DGKH: variants seen among roughly 807,000 people sequenced by gnomAD.
The protein encoded by DGKH is DAG kinase eta.
A neutral mutation model predicts 159.3 loss-of-function variants in DGKH; 90 were observed. That is an observed-to-expected ratio of 0.57 (90% CI 0.48 to 0.67). The LOEUF (loss-of-function observed/expected upper bound fraction) is 0.67. DGKH is among the 30% of genes least tolerant of loss of function. The pLI is 0.00. For synonymous variants in DGKH, 536 were observed against 553.8 expected (o/e 0.97, Z 0.45); for missense variants, 1,181 against 1,506.1 (o/e 0.78, Z 3.57).
chr13:42,062,301 T>C (rs1882238343), intron 1 of DGKH, among the ~76,000 whole-genome samples: 1 of 152,214 alleles, frequency 6.6e-6, no homozygotes, highest in African/African-American at 2.4e-5. Flanking sequence ...TATACCATTA[T>C]TTCCACACAT....
At chr13:42,070,658 C>T (rs1882901532) in intron 1 of DGKH, 8 of 1,612,406 alleles carry the variant, frequency 5.0e-6, no homozygotes, top group Non-Finnish European at 5.9e-6. Context: ...AGTACATTTG[C>T]AGAGTGAATA....
intron 11 of DGKH, among the ~76,000 whole-genome samples, chr13:42,169,497 A>C (rs1956394715): frequency 6.6e-6 from 1 of 152,182 alleles, no homozygotes; most frequent in African/African-American, 2.4e-5. Context: ...TTTGGGTATA[A>C]GGAACAACAG....
intron 12 of DGKH, among the ~76,000 whole-genome samples, chr13:42,177,337 G>A (rs1053419713): frequency 2.0e-5 from 3 of 152,230 alleles, no homozygotes; most frequent in East Asian, 1.9e-4. Flanking sequence ...TTATCAGATT[G>A]ATCTATACTG....
downstream of DGKH, among the ~76,000 whole-genome samples, chr13:42,244,294 A>G (rs1482561860): frequency 6.6e-6 from 1 of 152,110 alleles, no homozygotes. Flanking sequence ...GCCCCACAGA[A>G]CTGGGATTCA....
rs1177935287 is a variant in DGKH, at chr13:42,215,684, C to T, written c.3213+17C>T. 2 of 1,589,520 alleles carry T rather than the reference C, an allele frequency of 1.3e-6. No individual in the cohort carries two copies. Among genetic ancestry groups the T allele is most frequent in the Non-Finnish European group, 1.7e-6 (2 of 1,161,522 alleles). On this transcript the variant is annotated intron_variant, in intron 26 of 29. Transcript: ENST00000337343. The stretch of plus-strand genomic sequence containing the variant: ...GTTCCTTTGGTAAGGAAAAGAATGA[C>T]TGGTAACATAAGAATGATGAATTAA...
intron 1 of DGKH, among the ~76,000 whole-genome samples, chr13:42,109,904 A>G (rs1349236250): frequency 6.6e-6 from 1 of 152,182 alleles, no homozygotes; most frequent in African/African-American, 2.4e-5. Flanking sequence ...CATCAAAATC[A>G]TCATTGGAGT....
At chr13:42,186,220 C>T (rs910790644) in intron 13 of DGKH, among the ~76,000 whole-genome samples, 3 of 152,072 alleles carry the variant, frequency 2.0e-5, no homozygotes, top group Non-Finnish European at 4.4e-5. Context: ...GAAAGCAATA[C>T]TATGATTTAA....
chr13:42,219,015 T>C (rs1293744015), intron 26 of DGKH, among the ~76,000 whole-genome samples: 1 of 152,232 alleles, frequency 6.6e-6, no homozygotes, highest in Admixed American at 6.5e-5. Flanking sequence ...ACTCATATGA[T>C]CTTTGGGAAG....
At chr13:42,198,264 A>G (rs1225906430) in intron 17 of DGKH, among the ~76,000 whole-genome samples, 1 of 152,204 alleles carries the variant, frequency 6.6e-6, no homozygotes, top group Admixed American at 6.5e-5. Context: ...TTAATTCTTT[A>G]TGATAACATA....
intron 3 of DGKH, among the ~76,000 whole-genome samples, chr13:42,143,477 C>G (rs1315238595): frequency 6.6e-6 from 1 of 152,088 alleles, no homozygotes; most frequent in Non-Finnish European, 1.5e-5. Context: ...AGGAATAGTA[C>G]CAGCTCCTCC....
At chr13:42,223,442 ATTAAT>A (rs1958037295) in intron 29 of DGKH, among the ~76,000 whole-genome samples, 1 of 152,084 alleles carries the variant, frequency 6.6e-6, no homozygotes, top group African/African-American at 2.4e-5. Context: ...CTTTTTAAAA[ATTAAT>A]TTATTTTTAT....
At chr13:42,199,472 G>A (rs944513161) in intron 18 of DGKH, 94 bp from the exon 19 acceptor site, 50 of 833,150 alleles carry the variant, frequency 6.0e-5, no homozygotes, top group Non-Finnish European at 8.2e-5. Flanking sequence ...TAAAATGAAA[G>A]CTTAAATGGT....
chr13:42,214,468 A>C (rs1191981050), intron 24 of DGKH, 39 bp from the exon 25 acceptor site: 1 of 1,591,676 alleles, frequency 6.3e-7, no homozygotes, highest in Admixed American at 1.8e-5. Context: ...GCAATACTCA[A>C]AAAAGTTTTT....
intron 1 of DGKH, chr13:42,069,871 C>A: frequency 1.3e-6 from 1 of 753,438 alleles, no homozygotes. Flanking sequence ...CCCCAGATAC[C>A]TTTCCCGATC....
At chr13:42,155,448 C>T in intron 4 of DGKH, 53 bp downstream of exon 4, 1 of 1,554,838 alleles carries the variant, frequency 6.4e-7, no homozygotes, top group Non-Finnish European at 8.8e-7. Flanking sequence ...AAATGTTAAC[C>T]AAAGGGCTAG....
At chr13:42,141,171 A>T (rs958347705) in intron 3 of DGKH, among the ~76,000 whole-genome samples, 2 of 149,652 alleles carry the variant, frequency 1.3e-5, no homozygotes, top group East Asian at 3.9e-4. Flanking sequence ...TTTGTCCCTG[A>T]GATAGTTTGC....
At chr13:42,101,918 AC>A (rs1415169757) in intron 1 of DGKH, among the ~76,000 whole-genome samples, 1 of 152,204 alleles carries the variant, frequency 6.6e-6, no homozygotes, top group Non-Finnish European at 1.5e-5. Flanking sequence ...TGTCAGGAAA[AC>A]AAGTGAAACA....
chr13:42,058,945 T>C (rs1397008033), intron 1 of DGKH, among the ~76,000 whole-genome samples: 1 of 152,178 alleles, frequency 6.6e-6, no homozygotes, highest in East Asian at 1.9e-4. Context: ...AATAGAGCTT[T>C]ATTGTGTTAA....
intron 1 of DGKH, among the ~76,000 whole-genome samples, chr13:42,054,669 T>G (rs1329464645): frequency 6.6e-6 from 1 of 152,216 alleles, no homozygotes; most frequent in African/African-American, 2.4e-5. Flanking sequence ...TAAATTCTTT[T>G]GTACAGTAAG....
Sources: gnomAD v4.1 joint callset for allele counts (sites outside exome capture counted in the v4.1 genomes callset) on GRCh38, gnomAD v4.1.1 for gene constraint, MANE v1.5 for transcripts, NCBI Gene and HGNC (gene_info 2026-07-23, HGNC 2026-07-21) for gene names.